Variants in GRIA1 observed in about 807,000 individuals in gnomAD.
GRIA1 encodes glutamate ionotropic receptor AMPA type subunit 1, also known as glutamate receptor 1.
A neutral mutation model predicts 99.2 loss-of-function variants in GRIA1; 31 were observed. That is an observed-to-expected ratio of 0.31 (90% CI 0.23 to 0.42). The LOEUF (loss-of-function observed/expected upper bound fraction) is 0.42, where lower values mean the gene tolerates loss of function less well. Ranked by LOEUF, GRIA1 falls within the 10% of genes least tolerant of loss-of-function variation. GRIA1 has a pLI of 1.00. For missense variants in GRIA1, 782 were observed against 1,157.5 expected (o/e 0.68, Z 4.71); for synonymous variants, 438 against 432.4 (o/e 1.01, Z -0.16).
intron 11 of GRIA1, among the ~76,000 whole-genome samples, chr5:153,721,786 T>C (rs1760088066): frequency 6.6e-6 from 1 of 152,214 alleles, no homozygotes; most frequent in South Asian, 2.1e-4. Context: ...TTTGGGTTGT[T>C]CCCAGTGTAA....
intron 13 of GRIA1, among the ~76,000 whole-genome samples, chr5:153,791,007 G>A (rs1765260096): frequency 6.6e-6 from 1 of 152,094 alleles, no homozygotes; most frequent in African/African-American, 2.4e-5. Context: ...ACTCTATCAT[G>A]ATCAATAATC....
intron 2 of GRIA1, among the ~76,000 whole-genome samples, chr5:153,601,764 T>C (rs1764984439): frequency 6.6e-6 from 1 of 152,226 alleles, no homozygotes. Flanking sequence ...CTGAAGTTTT[T>C]GAATTGTAAG....
intron 2 of GRIA1, among the ~76,000 whole-genome samples, chr5:153,607,009 T>A: frequency 6.9e-6 from 1 of 145,280 alleles, no homozygotes; most frequent in Non-Finnish European, 1.5e-5. Context: ...CTCTTCCCAT[T>A]CTTTAAAAGA....
intron 2 of GRIA1, among the ~76,000 whole-genome samples, chr5:153,528,364 T>G (rs909137310): frequency 1.6e-4 from 25 of 152,176 alleles, no homozygotes; most frequent in African/African-American, 6.0e-4. Flanking sequence ...CCAAACCCAT[T>G]TCTTCTCTGC....
At chr5:153,687,501 T>A (rs554186456) in intron 8 of GRIA1, among the ~76,000 whole-genome samples, 17 of 152,320 alleles carry the variant, frequency 1.1e-4, no homozygotes, top group African/African-American at 3.6e-4. Flanking sequence ...CTCTCAGACT[T>A]AATGCTCTCT....
At chr5:153,597,446 GT>G (rs757886183) in intron 2 of GRIA1, among the ~76,000 whole-genome samples, 26 of 152,158 alleles carry the variant, frequency 1.7e-4, no homozygotes, top group Non-Finnish European at 3.5e-4. Flanking sequence ...GCCAGGGTTT[GT>G]ATTCTGGTTG....
chr5:153,711,087 A>G (rs1759281136), intron 11 of GRIA1, among the ~76,000 whole-genome samples: 1 of 152,174 alleles, frequency 6.6e-6, no homozygotes, highest in Non-Finnish European at 1.5e-5. Flanking sequence ...AATCAAGAGA[A>G]CGGAGGTTTG....
chr5:153,626,536 T>A (rs1308912162), intron 2 of GRIA1, among the ~76,000 whole-genome samples: 2 of 151,426 alleles, frequency 1.3e-5, no homozygotes, highest in East Asian at 3.9e-4. Flanking sequence ...TCATCAGCAT[T>A]TGAGTTCATT....
At chr5:153,545,166 A>C (rs570666016) in intron 2 of GRIA1, among the ~76,000 whole-genome samples, 31 of 152,322 alleles carry the variant, frequency 2.0e-4, no homozygotes, top group Admixed American at 3.9e-4. Flanking sequence ...ACAAGTAGTC[A>C]AACGGAAAGG....
chr5:153,539,448 C>T (rs759800244), intron 2 of GRIA1, among the ~76,000 whole-genome samples: 1 of 152,184 alleles, frequency 6.6e-6, no homozygotes, highest in Non-Finnish European at 1.5e-5. Context: ...AATGAATGTG[C>T]ATACGCATTG....
intron 2 of GRIA1, among the ~76,000 whole-genome samples, chr5:153,593,693 C>T (rs896241896): frequency 6.6e-6 from 1 of 152,188 alleles, no homozygotes; most frequent in Non-Finnish European, 1.5e-5. Flanking sequence ...GAGATGATCT[C>T]TCAGTTGCAT....
chr5:153,802,864 A>G (rs969197705), intron 15 of GRIA1, among the ~76,000 whole-genome samples: 3 of 152,066 alleles, frequency 2.0e-5, no homozygotes, highest in African/African-American at 7.2e-5. Context: ...AAGGATGTCT[A>G]CCCTCTACTC....
intron 2 of GRIA1, among the ~76,000 whole-genome samples, chr5:153,523,371 T>C (rs1757319859): frequency 6.6e-6 from 1 of 152,196 alleles, no homozygotes; most frequent in Middle Eastern, 3.2e-3. Context: ...TCCCTCATTA[T>C]GCAGTTTACC....
rs185222552 is a variant in GRIA1 at position 153,793,420 on chromosome 5, G to T, written c.2271-1201G>T. Among the ~76,000 whole-genome samples, 52 of 152,266 alleles carry T rather than the reference G, an allele frequency of 3.4e-4. No individual in the cohort carries two copies. In the East Asian group the frequency reaches 7.5e-3, roughly 22 times the overall value. On this transcript the variant is annotated intron_variant, in intron 13 of 15. Coordinates refer to ENST00000285900, the MANE Select transcript of GRIA1 (RefSeq NM_000827.4). ...ATCTCACCTAAGTTAAGTAAACACT[G>T]GGCCTCAACTTAAGGTGATACCATC...
At chr5:153,599,285 A>G (rs577833789) in intron 2 of GRIA1, among the ~76,000 whole-genome samples, 2 of 152,238 alleles carry the variant, frequency 1.3e-5, no homozygotes, top group Non-Finnish European at 2.9e-5. Context: ...TATTTTGTCC[A>G]GAAAGTTTAC....
At chr5:153,551,953 C>G (rs1455280199) in intron 2 of GRIA1, among the ~76,000 whole-genome samples, 1 of 152,020 alleles carries the variant, frequency 6.6e-6, no homozygotes, top group African/African-American at 2.4e-5. Context: ...CAGAGAAAGC[C>G]CCCCCTCATC....
chr5:153,721,154 GGA>G (rs1445140011), intron 11 of GRIA1, among the ~76,000 whole-genome samples: 6 of 152,106 alleles, frequency 3.9e-5, no homozygotes, highest in African/African-American at 1.4e-4. Context: ...ACTCAGACAG[GGA>G]AAAGGGAATT....
At chr5:153,601,331 T>C (rs1039631187) in intron 2 of GRIA1, among the ~76,000 whole-genome samples, 2 of 152,214 alleles carry the variant, frequency 1.3e-5, no homozygotes, top group African/African-American at 2.4e-5. Flanking sequence ...ATATTCTTAC[T>C]TTTTAACTTC....
chr5:153,715,043 A>T (rs1278269487), intron 11 of GRIA1, among the ~76,000 whole-genome samples: 2 of 152,186 alleles, frequency 1.3e-5, no homozygotes, highest in African/African-American at 4.8e-5. Flanking sequence ...GTCACAAGGG[A>T]TGGAGGAGGT....
Sources: gnomAD v4.1 joint callset for allele counts (sites outside exome capture counted in the v4.1 genomes callset) on GRCh38, gnomAD v4.1.1 for gene constraint, MANE v1.5 for transcripts, NCBI Gene and HGNC (gene_info 2026-07-23, HGNC 2026-07-21) for gene names.